Variants in EDNRB observed in about 807,000 individuals in gnomAD.
The protein encoded by EDNRB is Hirschsprung disease 2.
Under a neutral mutation model 46.4 loss-of-function variants are expected in EDNRB, and 18 were observed. The observed-to-expected ratio is 0.39, with a 90% CI of 0.27 to 0.57. EDNRB has a LOEUF of 0.57. Among genes scored for constraint, EDNRB ranks in the 20% least tolerant of loss-of-function variants. The pLI, the probability that EDNRB is intolerant of heterozygous loss-of-function variation, is 0.61. For missense variants in EDNRB, 434 were observed against 537.5 expected, an observed-to-expected ratio of 0.81 and a Z score of 1.90; for synonymous variants, 213 against 204.9, an observed-to-expected ratio of 1.04 and a Z score of -0.34.
chr13:77,974,180 T>C (rs181210216), intron 1 of EDNRB, among the ~76,000 whole-genome samples: 10 of 152,288 alleles, frequency 6.6e-5, no homozygotes, highest in South Asian at 2.1e-4. Flanking sequence ...GCTTTTTTTT[T>C]CCTAACAGAA....
chr13:77,934,986 A>T (rs1880518879), intron 1 of EDNRB, among the ~76,000 whole-genome samples: 1 of 145,704 alleles, frequency 6.9e-6, no homozygotes, highest in Non-Finnish European at 1.5e-5. Flanking sequence ...TGGTATCAGG[A>T]ATAATGTGGG....
upstream of EDNRB, among the ~76,000 whole-genome samples, chr13:77,922,534 A>G (rs1480738849): frequency 6.6e-6 from 1 of 152,212 alleles, no homozygotes. Flanking sequence ...AAAAACACAG[A>G]AAGAGTTGGT....
chr13:77,924,841 A>G (rs959901126), intron 1 of EDNRB, among the ~76,000 whole-genome samples: 55 of 152,214 alleles, frequency 3.6e-4, no homozygotes, highest in African/African-American at 1.3e-3. Context: ...GGTTTTAAAA[A>G]CGGGAGTTGT....
At chr13:77,919,255 C>G, upstream of EDNRB, 1 of 914,616 alleles carries the variant, frequency 1.1e-6, no homozygotes, top group South Asian at 1.8e-5. Flanking sequence ...GCGCTCCTTC[C>G]TTTACCCAAC....
Position 77,898,017 on chromosome 13 carries a change from A to G in EDNRB, c.*183T>C. On this transcript the variant is annotated 3_prime_UTR_variant, in exon 7 of 7. Transcript: ENST00000646607. ...CTTAATTCCCACTGATTTTCTTTCC[A>G]TGCCGTAAACAGCTCATAAAATGTC... The G allele has an allele frequency of 7.2e-7, 1 of 1,391,936 alleles. No homozygotes were observed. Among genetic ancestry groups the G allele is most frequent in the Admixed American group, 3.0e-5 (1 of 33,220 alleles). The allele number at this position is 1,391,936 out of a possible 1,614,324, so 86.2% of individuals were successfully genotyped here. A position where few individuals can be genotyped will look rare whatever the true frequency, so the allele number is the denominator to read the frequency against.
intron 1 of EDNRB, among the ~76,000 whole-genome samples, chr13:77,929,584 G>T (rs1880330378): frequency 1.3e-5 from 2 of 152,310 alleles, no homozygotes; most frequent in East Asian, 3.9e-4. Flanking sequence ...CTGAAGTTTA[G>T]ATGCTGGTTC....
chr13:77,953,576 GAAAT>G (rs1881152763), intron 1 of EDNRB, among the ~76,000 whole-genome samples: 1 of 152,108 alleles, frequency 6.6e-6, no homozygotes, highest in Admixed American at 6.5e-5. Context: ...AGAGGGTAGT[GAAAT>G]AAATAGTCTG....
At chr13:77,918,861 A>C, upstream of EDNRB, 1 of 1,273,520 alleles carries the variant, frequency 7.9e-7, no homozygotes, top group African/African-American at 1.5e-5. This position sits in a 1 kb window ranked among gnomAD's most constrained non-coding sequence, Gnocchi z 4.5. Flanking sequence ...GGTAAATAAT[A>C]TGCAGTGGGG....
intron 1 of EDNRB, among the ~76,000 whole-genome samples, chr13:77,951,259 G>A (rs1295497242): frequency 1.3e-5 from 2 of 150,012 alleles, no homozygotes; most frequent in Non-Finnish European, 3.0e-5. Context: ...TGTTTTTTTT[G>A]TTGTCGTTTT....
At chr13:77,950,517 G>T (rs1881062150) in intron 1 of EDNRB, among the ~76,000 whole-genome samples, 1 of 152,306 alleles carries the variant, frequency 6.6e-6, no homozygotes, top group East Asian at 1.9e-4. Flanking sequence ...ACCCAAAAGT[G>T]CCCCTAAACT....
chr13:77,945,564 T>C (rs1443433280), intron 1 of EDNRB, among the ~76,000 whole-genome samples: 2 of 152,178 alleles, frequency 1.3e-5, no homozygotes. Context: ...CAATATCTGC[T>C]TACCTGGAGC....
At chr13:77,946,619 G>A (rs1364362423) in intron 1 of EDNRB, among the ~76,000 whole-genome samples, 1 of 152,154 alleles carries the variant, frequency 6.6e-6, no homozygotes, top group African/African-American at 2.4e-5. Context: ...GTGGCTCCAT[G>A]TGACAGGCTA....
chr13:77,903,060 A>G (rs1009840735), intron 3 of EDNRB, 96 bp downstream of exon 3: 3 of 1,316,736 alleles, frequency 2.3e-6, no homozygotes, highest in Non-Finnish European at 2.2e-6. Flanking sequence ...GGACAGTCAT[A>G]AATCAACAGT....
At chr13:77,923,501 G>A (rs890670973), upstream of EDNRB, among the ~76,000 whole-genome samples, 1 of 152,146 alleles carries the variant, frequency 6.6e-6, no homozygotes, top group Non-Finnish European at 1.5e-5. Flanking sequence ...CTCAGTAATG[G>A]AGAAAACACT....
intron 1 of EDNRB, among the ~76,000 whole-genome samples, chr13:77,972,167 T>C (rs928590242): frequency 1.3e-5 from 2 of 152,200 alleles, no homozygotes; most frequent in African/African-American, 4.8e-5. Flanking sequence ...CATGACTTAT[T>C]ACTTCAGGCT....
chr13:77,930,125 C>T (rs999993078), intron 1 of EDNRB, among the ~76,000 whole-genome samples: 7 of 151,768 alleles, frequency 4.6e-5, no homozygotes, highest in African/African-American at 1.7e-4. Flanking sequence ...TTTTGATGAT[C>T]AACTATACGA....
chr13:77,957,985 T>A (rs982649304), intron 1 of EDNRB, among the ~76,000 whole-genome samples: 3 of 152,228 alleles, frequency 2.0e-5, no homozygotes, highest in African/African-American at 4.8e-5. Context: ...TTTTAAAATG[T>A]TGAGTGATTA....
Position 77,898,018 on chromosome 13 carries a change from T to A in EDNRB, c.*182A>T. 1 of 1,392,344 alleles carries A rather than the reference T, an allele frequency of 7.2e-7. No individual in the cohort carries two copies. Among genetic ancestry groups the A allele is most frequent in the Non-Finnish European group, 9.3e-7 (1 of 1,074,912 alleles). 86.2% of individuals were successfully genotyped at this position (1,392,344 alleles called of 1,614,324 possible). A position where few individuals can be genotyped will look rare whatever the true frequency, so the allele number is the denominator to read the frequency against. ...TTAATTCCCACTGATTTTCTTTCCA[T>A]GCCGTAAACAGCTCATAAAATGTCA... On this transcript the variant is annotated 3_prime_UTR_variant, in exon 7 of 7. Transcript: ENST00000646607.
intron 1 of EDNRB, chr13:77,975,293 G>T (rs7329997): frequency 0.9 from 136,762 of 152,336 alleles, 61,459 homozygotes; most frequent in East Asian, 0.99. Flanking sequence ...CCGTGGGTGA[G>T]CAAGCCACGC....
Sources: gnomAD v4.1 joint callset for allele counts (sites outside exome capture counted in the v4.1 genomes callset) on GRCh38, gnomAD v4.1.1 for gene constraint, Gnocchi (gnomAD v3.1) non-coding constraint, MANE v1.5 for transcripts, NCBI Gene and HGNC (gene_info 2026-07-23, HGNC 2026-07-21) for gene names.